Variants in ERBB4 observed in about 807,000 individuals in gnomAD.
The protein encoded by ERBB4 is erb-b2 receptor tyrosine kinase 4.
ERBB4 carries 42 observed loss-of-function variants against 158.0 expected under a neutral mutation model. The observed-to-expected ratio is 0.27, with a 90% confidence interval of 0.21 to 0.34. The LOEUF (loss-of-function observed/expected upper bound fraction) is 0.34. Among genes scored for constraint, ERBB4 ranks in the 10% least tolerant of loss-of-function variants. ERBB4 has a pLI of 1.00. For synonymous variants in ERBB4, 583 were observed against 558.7 expected, an observed-to-expected ratio of 1.04 and a Z score of -0.61; for missense variants, 1,333 against 1,624.1, an observed-to-expected ratio of 0.82 and a Z score of 3.08.
intron 2 of ERBB4, among the ~76,000 whole-genome samples, chr2:211,959,979 C>T (rs770576721): frequency 3.3e-5 from 5 of 151,798 alleles, no homozygotes; most frequent in African/African-American, 1.2e-4. Flanking sequence ...TCGACAGCAC[C>T]CTGTGTGTAC....
chr2:212,003,212 A>G (rs796669279), intron 2 of ERBB4, among the ~76,000 whole-genome samples: 3,907 of 40,146 alleles, frequency 0.097, 478 homozygotes, highest in Non-Finnish European at 0.17. Flanking sequence ...AAAGACAGAA[A>G]GAAGGAAGGA....
At chr2:211,981,745 G>A (rs2125232004) in intron 2 of ERBB4, among the ~76,000 whole-genome samples, 1 of 152,188 alleles carries the variant, frequency 6.6e-6, no homozygotes, top group South Asian at 2.1e-4. Flanking sequence ...TACCACTGTG[G>A]CCGTTTCTGA....
chr2:212,409,029 T>G (rs2091426555), intron 1 of ERBB4, among the ~76,000 whole-genome samples: 3 of 151,844 alleles, frequency 2.0e-5, no homozygotes, highest in Admixed American at 2.0e-4. Flanking sequence ...TACAAATCAT[T>G]TCTTTACTAA....
intron 1 of ERBB4, among the ~76,000 whole-genome samples, chr2:212,528,745 C>A (rs1156724173): frequency 6.6e-6 from 1 of 152,102 alleles, no homozygotes; most frequent in Non-Finnish European, 1.5e-5. Flanking sequence ...TAGACTCTGA[C>A]TCTATAAATA....
At chr2:211,712,369 G>T (rs2073733552) in intron 8 of ERBB4, among the ~76,000 whole-genome samples, 193 bp from the exon 9 acceptor site, 1 of 151,928 alleles carries the variant, frequency 6.6e-6, no homozygotes, top group African/African-American at 2.4e-5. Flanking sequence ...TTAAAAACTT[G>T]TCCCTGCATT....
chr2:212,401,164 T>G (rs191485882), intron 1 of ERBB4, among the ~76,000 whole-genome samples: 1 of 152,174 alleles, frequency 6.6e-6, no homozygotes, highest in Non-Finnish European at 1.5e-5. Context: ...TCAGAACACA[T>G]GGATCCAGCA....
At position 211,433,319 on chromosome 2, in the gene ERBB4, C is replaced by T. The variant is rs370790087; in HGVS notation, c.2488-2219G>A. ...GAGTGAGGCCGGGCGCGGTGGCTCA[C>T]GCCTGTAATACTGGCACTTTGGGAG... On this transcript the variant is annotated intron_variant, in intron 20 of 27. Coordinates refer to ENST00000342788, the MANE Select transcript of ERBB4 (RefSeq NM_005235.3). 2.1e-3 allele frequency among the ~76,000 whole-genome samples: 312 copies of T among 151,742 alleles called. 2 individuals are homozygous for T. Among genetic ancestry groups the T allele is most frequent in the East Asian group, 0.014 (73 of 5,116 alleles).
At chr2:212,195,406 G>A (rs1343438911) in intron 1 of ERBB4, among the ~76,000 whole-genome samples, 1 of 151,874 alleles carries the variant, frequency 6.6e-6, no homozygotes, top group Non-Finnish European at 1.5e-5. Context: ...TACTTATAGT[G>A]TATCACATAA....
chr2:212,003,554 G>A (rs2076190942), intron 2 of ERBB4, among the ~76,000 whole-genome samples: 1 of 152,070 alleles, frequency 6.6e-6, no homozygotes, highest in East Asian at 1.9e-4. Context: ...CTACACCCAA[G>A]TAACAAAAGG....
At chr2:212,006,439 G>C (rs2076262084) in intron 2 of ERBB4, among the ~76,000 whole-genome samples, 1 of 151,966 alleles carries the variant, frequency 6.6e-6, no homozygotes, top group African/African-American at 2.4e-5. Flanking sequence ...TATATTTCTA[G>C]TTATAGTCTC....
chr2:211,845,575 G>C (rs1299568926), intron 3 of ERBB4, among the ~76,000 whole-genome samples: 4 of 152,190 alleles, frequency 2.6e-5, no homozygotes, highest in East Asian at 3.9e-4. Context: ...CAGGTTGCTG[G>C]GCTTGTGTGG....
chr2:212,155,804 C>A (rs7577530), intron 1 of ERBB4, among the ~76,000 whole-genome samples: 99,851 of 151,900 alleles, frequency 0.66, 33,975 homozygotes, highest in African/African-American at 0.77. Flanking sequence ...ACAGTTGAAG[C>A]TATTGCAAAA....
At chr2:212,065,771 A>G (rs1460470959) in intron 2 of ERBB4, among the ~76,000 whole-genome samples, 1 of 152,092 alleles carries the variant, frequency 6.6e-6, no homozygotes, top group African/African-American at 2.4e-5. Flanking sequence ...AGTGAAAGTC[A>G]GGGAACGGAG....
intron 1 of ERBB4, among the ~76,000 whole-genome samples, chr2:212,320,466 A>G (rs530432169): frequency 4.0e-5 from 6 of 148,502 alleles, no homozygotes; most frequent in African/African-American, 1.5e-4. Flanking sequence ...AACATTAACT[A>G]TAGATTTTCT....
intron 1 of ERBB4, among the ~76,000 whole-genome samples, chr2:212,154,303 C>T (rs1470051767): frequency 6.6e-6 from 1 of 152,058 alleles, no homozygotes; most frequent in African/African-American, 2.4e-5. Flanking sequence ...CAAACTTTGA[C>T]CATGCCAGCC....
At chr2:212,013,556 G>T (rs531388440) in intron 2 of ERBB4, among the ~76,000 whole-genome samples, 3 of 152,294 alleles carry the variant, frequency 2.0e-5, no homozygotes, top group African/African-American at 7.2e-5. Flanking sequence ...AGGTTACAGA[G>T]GGTTAGGGTA....
At chr2:211,847,471 G>A (rs1292449972) in intron 3 of ERBB4, among the ~76,000 whole-genome samples, 1 of 152,084 alleles carries the variant, frequency 6.6e-6, no homozygotes, top group East Asian at 1.9e-4. Flanking sequence ...ATGGCCCAAT[G>A]CACAACTGAC....
chr2:211,765,053 G>A (rs550348453), intron 4 of ERBB4, among the ~76,000 whole-genome samples: 30 of 152,226 alleles, frequency 2.0e-4, no homozygotes, highest in South Asian at 4.1e-4. Flanking sequence ...GTAGGTGGAC[G>A]TCAAGAGCAT....
intron 2 of ERBB4, among the ~76,000 whole-genome samples, chr2:211,990,719 A>C (rs898922849): frequency 1.3e-5 from 2 of 151,814 alleles, no homozygotes; most frequent in African/African-American, 2.4e-5. Context: ...TCAGCCTGGA[A>C]CATGCAAATG....
Sources: allele counts gnomAD v4.1 joint callset (sites outside exome capture counted in the v4.1 genomes callset), GRCh38; gene constraint gnomAD v4.1.1; transcripts MANE v1.5; gene names NCBI Gene and HGNC (gene_info 2026-07-23, HGNC 2026-07-21).